EIF4B: variants seen among roughly 807,000 people sequenced by gnomAD.
The protein encoded by EIF4B is eukaryotic translation initiation factor 4B.
In EIF4B, 8 loss-of-function variants were observed where a neutral mutation model predicts 79.3. The ratio of observed to expected loss-of-function variants is 0.10; its 90% CI spans 0.06 to 0.18. The LOEUF (loss-of-function observed/expected upper bound fraction) is 0.18. EIF4B is among the 10% of genes least tolerant of loss of function. EIF4B has a pLI of 1.00. For synonymous variants in EIF4B, 238 were observed against 274.7 expected (o/e 0.87, Z 1.32); for missense variants, 515 against 792.4 (o/e 0.65, Z 4.20).
chr12:53,025,259 A>G (rs190478902), intron 6 of EIF4B: 30 of 455,822 alleles, frequency 6.6e-5, no homozygotes, highest in Middle Eastern at 3.3e-4. Flanking sequence ...AAAGCAGACA[A>G]TCAGACCAAG....
intron 10 of EIF4B, among the ~76,000 whole-genome samples, chr12:53,036,052 G>A (rs893000798): frequency 1.3e-4 from 19 of 150,732 alleles, no homozygotes; most frequent in Admixed American, 4.0e-4. Flanking sequence ...CCAAAGTGCT[G>A]GGATTACAGA....
chr12:53,036,466 G>T (rs2120981764), intron 10 of EIF4B, among the ~76,000 whole-genome samples: 1 of 150,922 alleles, frequency 6.6e-6, no homozygotes, highest in South Asian at 2.1e-4. Context: ...GAGTGCAGTG[G>T]TGCGATCATA....
chr12:53,010,440 A>G (rs774625661), intron 1 of EIF4B, among the ~76,000 whole-genome samples: 3 of 152,184 alleles, frequency 2.0e-5, no homozygotes, highest in South Asian at 2.1e-4. Flanking sequence ...CAGTCTCATC[A>G]TAAGTCAGGG....
chr12:53,034,058 C>A (rs1334559838), intron 9 of EIF4B, 24 bp downstream of exon 9: 5 of 1,587,500 alleles, frequency 3.1e-6, no homozygotes, highest in Non-Finnish European at 4.3e-6. Flanking sequence ...ATGGATATCC[C>A]ATCTAGGAAT....
chr12:53,016,002 T>A (rs1263592738), intron 1 of EIF4B, among the ~76,000 whole-genome samples: 1 of 150,646 alleles, frequency 6.6e-6, no homozygotes. Context: ...AAAAGACAGT[T>A]GTGATTCCTT....
chr12:53,033,862 G>A lies in EIF4B; in HGVS notation c.1036G>A (p.Asp346Asn), dbSNP rs1375478321. ...LKPRSTPKED[D>N]SSASTSQSTR... The stretch of plus-strand genomic sequence containing the variant: ...GCCTCGGAGTACTCCTAAGGAAGAT[G>A]ATTCCTCTGCTAGTACCTCCCAGTC... The change falls in exon 9 of 15, where the codon GAT becomes AAT. Residue 346 changes from aspartate (D) to asparagine (N), a missense_variant. Around this residue, in one of 6 missense-constraint regions of EIF4B, gnomAD observed 187 missense variants for 256.5 expected, o/e 0.73. Transcript: ENST00000262056. The A allele has an allele frequency of 1.2e-6, 2 of 1,614,022 alleles. No homozygotes were observed. The highest frequency in any genetic ancestry group is 1.1e-5 in the South Asian group (1 of 91,072).
chr12:53,017,351 A>C (rs1271178725), intron 2 of EIF4B, among the ~76,000 whole-genome samples: 3 of 151,914 alleles, frequency 2.0e-5, no homozygotes, highest in Admixed American at 6.6e-5. Flanking sequence ...ATAAAATCAG[A>C]GTGTCCTTGG....
intron 14 of EIF4B, 99 bp downstream of exon 14, chr12:53,039,801 T>A: frequency 7.5e-7 from 1 of 1,340,346 alleles, no homozygotes; most frequent in Non-Finnish European, 1.0e-6. Context: ...TATTCTAAAC[T>A]TTTTGCCGTT....
chr12:53,033,298 C>T (rs979013358), intron 8 of EIF4B, among the ~76,000 whole-genome samples: 4 of 151,182 alleles, frequency 2.6e-5, no homozygotes, highest in East Asian at 1.9e-4. Context: ...GGATTACAGA[C>T]GTGAGCCACC....
intron 3 of EIF4B, among the ~76,000 whole-genome samples, chr12:53,019,523 T>C (rs1431321670): frequency 7.8e-6 from 1 of 128,052 alleles, no homozygotes; most frequent in Non-Finnish European, 1.6e-5. Context: ...GTGGATTACA[T>C]GCCCAGCTAA....
intron 10 of EIF4B, among the ~76,000 whole-genome samples, chr12:53,036,497 C>T (rs1943543173): frequency 6.6e-6 from 1 of 151,796 alleles, no homozygotes; most frequent in South Asian, 2.1e-4. Context: ...GCCTCAAACT[C>T]CTGGCCTCAA....
intron 1 of EIF4B, among the ~76,000 whole-genome samples, chr12:53,013,147 G>T (rs370426477): frequency 1.2e-4 from 18 of 152,348 alleles, no homozygotes; most frequent in Non-Finnish European, 2.5e-4. Context: ...CTAAAGGGCA[G>T]ATTAATTCCA....
intron 6 of EIF4B, among the ~76,000 whole-genome samples, chr12:53,023,205 A>G (rs894076458): frequency 6.6e-6 from 1 of 152,196 alleles, no homozygotes; most frequent in Non-Finnish European, 1.5e-5. Flanking sequence ...GAAGAGCAGC[A>G]TACAAAGATC....
In EIF4B at chr12:53,028,047, G is replaced by A. The variant is rs1943369946; in HGVS notation, c.838G>A (p.Ala280Thr). ...YDSRIGSGRR[A>T]FGSGYRRDDD... is the part of the protein sequence containing the mutation. ...TTCCCGGATAGGCAGTGGCAGAAGAGCATTTGGCAGTGGGTATCGCAGGGA... is the reference window on the plus strand; with the variant it reads ...TTCCCGGATAGGCAGTGGCAGAAGAACATTTGGCAGTGGGTATCGCAGGGA... Residue 280 changes from alanine (A) to threonine (T), a missense_variant, in exon 8 of 15, where the codon GCA (alanine) becomes ACA (threonine). Transcript: ENST00000262056. 6.2e-7 allele frequency: 1 copy of A among 1,613,154 alleles called. No individual in the cohort carries two copies. Among genetic ancestry groups the A allele is most frequent in the African/African-American group, 1.3e-5 (1 of 74,904 alleles).
At chr12:53,036,954 A>G (rs1022505870) in intron 10 of EIF4B, among the ~76,000 whole-genome samples, 1 of 152,198 alleles carries the variant, frequency 6.6e-6, no homozygotes, top group Non-Finnish European at 1.5e-5. Context: ...CCAATATCCT[A>G]AGATTACAGG....
chr12:53,040,850 G>A lies in EIF4B; in HGVS notation c.*627G>A, dbSNP rs894298828. Reference sequence around the variant, plus strand: ...GTGAGACTATAGGCCATAAAGAATGGGACTGCATTGGACCAAAATAAATGG... The same window carrying A: ...GTGAGACTATAGGCCATAAAGAATGAGACTGCATTGGACCAAAATAAATGG... On this transcript the variant is annotated 3_prime_UTR_variant, in exon 15 of 15. Coordinates refer to ENST00000262056, the MANE Select transcript of EIF4B (RefSeq NM_001417.7). 6.6e-6 allele frequency: 1 copy of A among 151,512 alleles called. No individual in the cohort carries two copies. The highest frequency in any genetic ancestry group is 1.5e-5 in the Non-Finnish European group (1 of 67,938). The allele number at this position is 151,512 out of a possible 1,614,324, so 9.4% of individuals were successfully genotyped here.
chr12:53,040,066 G>A (rs1943606145), intron 14 of EIF4B, 77 bp from the exon 15 acceptor site: 1 of 1,533,452 alleles, frequency 6.5e-7, no homozygotes, highest in Non-Finnish European at 9.0e-7. Context: ...ATTGCCAAAG[G>A]ATCAGTATCC....
Position 53,041,957 on chromosome 12 carries a change from T to C in EIF4B, c.*1734T>C, listed in dbSNP as rs1384134195. 1.3e-5 allele frequency: 2 copies of C among 152,658 alleles called. No homozygotes were observed. The highest frequency in any genetic ancestry group is 4.8e-5 in the African/African-American group (2 of 41,448). 9.5% of individuals were successfully genotyped at this position (152,658 alleles called of 1,614,324 possible). A position where few individuals can be genotyped will look rare whatever the true frequency, so the allele number is the denominator to read the frequency against. The stretch of plus-strand genomic sequence containing the variant: ...AGCTAGGGTTTGCCCTCTTCATGTC[T>C]ACTCTCCTTCCAAATAGTTATATCC... On this transcript the variant is annotated 3_prime_UTR_variant, in exon 15 of 15. Transcript: ENST00000262056.
intron 1 of EIF4B, among the ~76,000 whole-genome samples, chr12:53,015,108 A>T (rs1338668475): frequency 1.3e-5 from 2 of 152,166 alleles, no homozygotes; most frequent in Non-Finnish European, 2.9e-5. Context: ...GTTATAGTAG[A>T]GGAGGACATT....
Sources: gnomAD v4.1 joint callset for allele counts (sites outside exome capture counted in the v4.1 genomes callset) on GRCh38, gnomAD v4.1.1 for gene constraint, gnomAD v4.1.1 regional missense constraint, MANE v1.5 for transcripts, NCBI Gene and HGNC (gene_info 2026-07-23, HGNC 2026-07-21) for gene names.